The following OTULIN variants were observed in gnomAD, a reference collection of about 807,000 sequenced individuals.
The protein encoded by OTULIN is ubiquitin thioesterase otulin.
Under a neutral mutation model 39.6 loss-of-function variants are expected in OTULIN, and 15 were observed. That is an observed-to-expected ratio of 0.38 (90% CI 0.25 to 0.58). The LOEUF is 0.58. OTULIN is among the 20% of genes least tolerant of loss of function. The probability of loss-of-function intolerance (pLI) is 0.66; values close to 1 mark genes in which losing one functional copy is unlikely to be tolerated. For missense variants in OTULIN, 319 were observed against 445.9 expected (o/e 0.72, Z 2.56); for synonymous variants, 156 against 170.3 (o/e 0.92, Z 0.65).
the OTULIN span, chr5:14,713,751 G>A: frequency 2.5e-6 from 4 of 1,593,372 alleles, no homozygotes; most frequent in Admixed American, 3.3e-5. This position sits in a 1 kb window ranked among gnomAD's most constrained non-coding sequence, Gnocchi z 4.4. Context: ...CAGCACATCC[G>A]AGAGCCAGGG....
downstream of OTULIN, among the ~76,000 whole-genome samples, chr5:14,702,718 A>G (rs1462933851): frequency 6.6e-6 from 1 of 152,206 alleles, no homozygotes; most frequent in African/African-American, 2.4e-5. Context: ...CTTTAGACCA[A>G]GAGAGCTTTT....
chr5:14,699,729 C>G lies in OTULIN; in HGVS notation c.*6681C>G, dbSNP rs74565345. 1.3e-5 allele frequency: 2 copies of G among 152,166 alleles called. No homozygotes were observed. The highest frequency in any genetic ancestry group is 2.9e-5 in the Non-Finnish European group (2 of 68,032). The allele number at this position is 152,166 out of a possible 1,614,324, so 9.4% of individuals were successfully genotyped here. A position where few individuals can be genotyped will look rare whatever the true frequency, so the allele number is the denominator to read the frequency against. ...CCAGCTGCATTATGTGTGTTTAGAA[C>G]GAGAAGTTGTTTGTACAGTATTTTT... On this transcript the variant is annotated 3_prime_UTR_variant, in exon 7 of 7. Transcript: ENST00000284274.
At position 14,681,374 on chromosome 5, in the gene OTULIN, C is replaced by T; in HGVS notation, c.325-90C>T. 6 of 1,483,002 alleles carry T rather than the reference C, an allele frequency of 4.0e-6. No individual in the cohort carries two copies. In the South Asian group the frequency reaches 5.5e-5, roughly 14 times the overall value. 91.9% of individuals were successfully genotyped at this position (1,483,002 alleles called of 1,614,324 possible). ...AACTTTGGGCATCCTCCCAGTGATC[C>T]CAGGCCAAGCTTTTTCCACAGGAAT... On this transcript the variant is annotated intron_variant, in intron 3 of 6. Transcript: ENST00000284274.
intron 4 of OTULIN, among the ~76,000 whole-genome samples, chr5:14,686,319 G>A (rs1284205998): frequency 6.6e-6 from 1 of 151,192 alleles, no homozygotes; most frequent in Non-Finnish European, 1.5e-5. Context: ...TAATTTTTTG[G>A]GGATGAGGTC....
At chr5:14,688,780 A>G (rs1336449087) in intron 5 of OTULIN, among the ~76,000 whole-genome samples, 1 of 152,176 alleles carries the variant, frequency 6.6e-6, no homozygotes, top group Non-Finnish European at 1.5e-5. Flanking sequence ...GGCTGACGGC[A>G]GGGCTGTAGC....
chr5:14,713,115 C>G, the OTULIN span: 1 of 825,838 alleles, frequency 1.2e-6, no homozygotes, highest in Non-Finnish European at 2.0e-6. This position sits in a 1 kb window ranked among gnomAD's most constrained non-coding sequence, Gnocchi z 4.4. Flanking sequence ...TCGTAAGGGC[C>G]GCAGCTAATA....
intron 2 of OTULIN, among the ~76,000 whole-genome samples, chr5:14,678,088 G>T (rs189930881): frequency 3.7e-4 from 57 of 152,224 alleles, no homozygotes; most frequent in South Asian, 1.5e-3. Flanking sequence ...AATATTTCAG[G>T]TGTTGATGAG....
At chr5:14,666,976 G>A (rs759737393) in intron 1 of OTULIN, among the ~76,000 whole-genome samples, 3 of 152,200 alleles carry the variant, frequency 2.0e-5, no homozygotes, top group Non-Finnish European at 2.9e-5. Flanking sequence ...AATTTAAATA[G>A]TGTAATGTGC....
rs1181256551 is a variant in OTULIN at position 14,697,894 on chromosome 5, C to T, written c.*4846C>T. On this transcript the variant is annotated 3_prime_UTR_variant, in exon 7 of 7. Transcript: ENST00000284274. ...TAAGCAGAAGTACTTGAGCTTAATTCTGAACTTCAAAGTAATATTTTATAC... is the reference window on the plus strand; with the variant it reads ...TAAGCAGAAGTACTTGAGCTTAATTTTGAACTTCAAAGTAATATTTTATAC... 1 of 152,102 alleles carries T rather than the reference C, an allele frequency of 6.6e-6. No homozygotes were observed. Among genetic ancestry groups the T allele is most frequent in the Non-Finnish European group, 1.5e-5 (1 of 68,026 alleles). 9.4% of individuals were successfully genotyped at this position (152,102 alleles called of 1,614,324 possible).
the OTULIN span, chr5:14,709,629 T>G: frequency 6.6e-6 from 1 of 152,410 alleles, no homozygotes; most frequent in Non-Finnish European, 1.5e-5. Context: ...AGCTTGCACT[T>G]CTATTCCTAC....
At chr5:14,680,573 C>T (rs1354279452) in intron 3 of OTULIN, among the ~76,000 whole-genome samples, 5 of 152,168 alleles carry the variant, frequency 3.3e-5, no homozygotes, top group Non-Finnish European at 7.4e-5. Flanking sequence ...AAGGACTGTG[C>T]ATGTGTCTAG....
chr5:14,679,857 G>A (rs186042479), intron 3 of OTULIN, among the ~76,000 whole-genome samples: 134 of 152,202 alleles, frequency 8.8e-4, no homozygotes, highest in Non-Finnish European at 1.7e-3. Context: ...GAAAAACCTG[G>A]AATTCTTAGT....
the OTULIN span, chr5:14,708,625 C>G: frequency 6.6e-6 from 1 of 152,316 alleles, no homozygotes; most frequent in South Asian, 2.1e-4. Flanking sequence ...AGTTTTGCCT[C>G]AAAGTTGTTA....
chr5:14,683,260 TAAA>T (rs959166684), intron 4 of OTULIN, among the ~76,000 whole-genome samples: 2 of 150,984 alleles, frequency 1.3e-5, no homozygotes, highest in African/African-American at 4.9e-5. Flanking sequence ...GGGAGTCTAT[TAAA>T]AAAAAACCAA....
At chr5:14,713,385 G>A in the OTULIN span, among the ~76,000 whole-genome samples, 23 of 152,184 alleles carry the variant, frequency 1.5e-4, no homozygotes, top group Non-Finnish European at 3.4e-4. This position sits in a 1 kb window ranked among gnomAD's most constrained non-coding sequence, Gnocchi z 4.4. Context: ...GATCCCAAGA[G>A]CCTCCACCTG....
intron 4 of OTULIN, among the ~76,000 whole-genome samples, chr5:14,685,835 T>TTTTTTTTTTTTTTTGA: frequency 6.6e-6 from 1 of 152,032 alleles, no homozygotes; most frequent in East Asian, 1.9e-4. Context: ...TGTAGTTCTT[T>TTTTTTTTTTTTTTTGA]GTGCCCAATT....
rs1736581428 is a variant in OTULIN, at chr5:14,693,341, C to T, written c.*293C>T. On this transcript the variant is annotated 3_prime_UTR_variant, in exon 7 of 7. Coordinates refer to ENST00000284274, the MANE Select transcript of OTULIN (RefSeq NM_138348.6). ...GCAAATACTTTTGTATCAGAGGAAA[C>T]TCAGTTTTGGAGAGGAATATGTTCT... The T allele has an allele frequency of 3.5e-6, 1 of 283,188 alleles. No homozygotes were observed. Among genetic ancestry groups the T allele is most frequent in the Admixed American group, 4.9e-5 (1 of 20,352 alleles). 17.5% of individuals were successfully genotyped at this position (283,188 alleles called of 1,614,324 possible). A position where few individuals can be genotyped will look rare whatever the true frequency, so the allele number is the denominator to read the frequency against.
intron 2 of OTULIN, 96 bp downstream of exon 2, chr5:14,673,814 A>G: frequency 9.8e-7 from 1 of 1,020,410 alleles, no homozygotes. Context: ...TATCAATAAA[A>G]TATTCTTATG....
chr5:14,714,260 C>T, the OTULIN span, among the ~76,000 whole-genome samples: 1 of 152,226 alleles, frequency 6.6e-6, no homozygotes, highest in East Asian at 1.9e-4. Flanking sequence ...GCCATTTCAC[C>T]AAGGGCTGCA....
Sources: gnomAD v4.1 joint callset for allele counts (sites outside exome capture counted in the v4.1 genomes callset) on GRCh38, gnomAD v4.1.1 for gene constraint, Gnocchi (gnomAD v3.1) non-coding constraint, MANE v1.5 for transcripts, NCBI Gene and HGNC (gene_info 2026-07-23, HGNC 2026-07-21) for gene names.